Variants in CNTNAP2 observed in about 807,000 individuals in gnomAD.
The protein encoded by CNTNAP2 is contactin-associated protein-like 2.
CNTNAP2 carries 98 observed loss-of-function variants against 155.2 expected under a neutral mutation model. The ratio of observed to expected loss-of-function variants is 0.63; its 90% CI spans 0.54 to 0.75. The LOEUF (loss-of-function observed/expected upper bound fraction) is 0.75. Among genes scored for constraint, CNTNAP2 ranks in the 30% least tolerant of loss-of-function variants. The probability of loss-of-function intolerance (pLI) is 0.00; values close to 1 mark genes in which losing one functional copy is unlikely to be tolerated. For synonymous variants in CNTNAP2, 651 were observed against 631.2 expected (o/e 1.03, Z -0.47); for missense variants, 1,727 against 1,688.1 (o/e 1.02, Z -0.40).
At chr7:146,412,225 C>G (rs1047610751) in intron 1 of CNTNAP2, among the ~76,000 whole-genome samples, 1 of 152,170 alleles carries the variant, frequency 6.6e-6, no homozygotes, top group Non-Finnish European at 1.5e-5. Context: ...TAACCAGGAG[C>G]CAGGGACGTG....
intron 21 of CNTNAP2, among the ~76,000 whole-genome samples, chr7:148,318,280 G>C (rs1445107361): frequency 5.3e-5 from 8 of 152,168 alleles, no homozygotes; most frequent in Admixed American, 5.2e-4. Context: ...TCACCCGGCT[G>C]TCGCCTGCTT....
intron 18 of CNTNAP2, among the ~76,000 whole-genome samples, chr7:148,200,734 G>C (rs1043462795): frequency 2.0e-5 from 3 of 152,034 alleles, no homozygotes; most frequent in Non-Finnish European, 4.4e-5. Context: ...TTTCTTGTAG[G>C]CAAGATATAA....
chr7:147,561,023 C>G (rs903543100), intron 11 of CNTNAP2, among the ~76,000 whole-genome samples: 1 of 151,696 alleles, frequency 6.6e-6, no homozygotes, highest in Non-Finnish European at 1.5e-5. Context: ...CCTAATTATT[C>G]CTGTTAGAGT....
At chr7:148,001,097 C>T (rs951401655) in intron 15 of CNTNAP2, among the ~76,000 whole-genome samples, 1 of 152,172 alleles carries the variant, frequency 6.6e-6, no homozygotes, top group Non-Finnish European at 1.5e-5. Flanking sequence ...TCAAGTGATC[C>T]TTAGCTTAAT....
intron 9 of CNTNAP2, among the ~76,000 whole-genome samples, chr7:147,333,051 C>T (rs1795600734): frequency 6.6e-6 from 1 of 152,108 alleles, no homozygotes; most frequent in Non-Finnish European, 1.5e-5. Flanking sequence ...CACAGTTTCT[C>T]AAATTTATTT....
rs968412075 is a variant in CNTNAP2 at position 148,373,058 on chromosome 7, C to T, written c.3476-10591C>T. Among the ~76,000 whole-genome samples, 7 of 152,286 alleles carry T rather than the reference C, an allele frequency of 4.6e-5. No individual in the cohort carries two copies. In the East Asian group the frequency reaches 1.2e-3, roughly 25 times the overall value. On this transcript the variant is annotated intron_variant, in intron 21 of 23. Coordinates refer to ENST00000361727, the MANE Select transcript of CNTNAP2 (RefSeq NM_014141.6). ...TGGGAGGTCTTCAGGGGCAGTGACA[C>T]ACATGGAGCTGTCATCTCCTGTGAT...
At position 146,324,927 on chromosome 7, in the gene CNTNAP2, G is replaced by A. The variant is rs115873677; in HGVS notation, c.97+207954G>A. ...GATCATTACTTAATAAAACAAAATA[G>A]TAAAAATGACAATATAGTTTTTTTG... On this transcript the variant is annotated intron_variant, in intron 1 of 23. Transcript: ENST00000361727. 5.3e-3 allele frequency among the ~76,000 whole-genome samples: 807 copies of A among 152,166 alleles called. 4 individuals carry two copies. The highest frequency in any genetic ancestry group is 0.017 in the African/African-American group (712 of 41,518).
At chr7:148,317,594 T>C (rs2116529837) in intron 21 of CNTNAP2, among the ~76,000 whole-genome samples, 1 of 152,332 alleles carries the variant, frequency 6.6e-6, no homozygotes, top group East Asian at 1.9e-4. Flanking sequence ...GTCCTGTTAC[T>C]GATCTTAGTA....
chr7:147,522,166 T>A (rs1799239554), intron 11 of CNTNAP2, among the ~76,000 whole-genome samples: 1 of 152,208 alleles, frequency 6.6e-6, no homozygotes, highest in South Asian at 2.1e-4. Flanking sequence ...GTGAGGGCTC[T>A]GCCCTCATGG....
intron 15 of CNTNAP2, among the ~76,000 whole-genome samples, chr7:148,051,351 G>A (rs986466290): frequency 2.6e-5 from 4 of 151,830 alleles, no homozygotes; most frequent in Non-Finnish European, 5.9e-5. Context: ...ATGTCCTGGC[G>A]GGAGTTGGTT....
Position 147,775,191 on chromosome 7 carries a change from T to G in CNTNAP2, c.2099-128374T>G, listed in dbSNP as rs943729356. Among the ~76,000 whole-genome samples the G allele has an allele frequency of 7.9e-5, 11 of 140,054 alleles. No individual in the cohort carries two copies. The East Asian group carries it at 2.3e-3, about 29-fold the overall frequency. 91.9% of individuals were successfully genotyped at this position (140,054 alleles called of 152,430 possible). On this transcript the variant is annotated intron_variant, in intron 13 of 23. Transcript: ENST00000361727. ...GTTTTCACTACAGTTTTGTGTTTTT[T>G]GCCAATAAATTTTTCTTTTCCTATA...
At chr7:147,722,117 C>T (rs1210692249) in intron 13 of CNTNAP2, among the ~76,000 whole-genome samples, 1 of 152,200 alleles carries the variant, frequency 6.6e-6, no homozygotes, top group African/African-American at 2.4e-5. Flanking sequence ...AGAACTGGGG[C>T]TAGCCCCAAA....
At chr7:146,599,888 G>A (rs1798924146) in intron 1 of CNTNAP2, among the ~76,000 whole-genome samples, 1 of 151,982 alleles carries the variant, frequency 6.6e-6, no homozygotes, top group South Asian at 2.1e-4. Context: ...TGTACTCTAT[G>A]CTTTTGATGG....
At chr7:147,091,975 G>A (rs1022133822) in intron 4 of CNTNAP2, among the ~76,000 whole-genome samples, 8 of 151,840 alleles carry the variant, frequency 5.3e-5, no homozygotes, top group Admixed American at 5.3e-4. Context: ...TCCTGACCTC[G>A]TGATCTGCCC....
rs141094353 is a variant in CNTNAP2, at chr7:146,379,399, A to G, written c.97+262426A>G. 3.9e-5 allele frequency among the ~76,000 whole-genome samples: 6 copies of G among 152,318 alleles called. No individual in the cohort carries two copies. In the East Asian group the frequency reaches 1.2e-3, roughly 29 times the overall value. On this transcript the variant is annotated intron_variant, in intron 1 of 23. Coordinates refer to ENST00000361727, the MANE Select transcript of CNTNAP2 (RefSeq NM_014141.6). ...TCACCCTAAAGGTGCATCTGCGGTC[A>G]AATTCCAATTCCAGAGATAAGGTCA... is the stretch of plus-strand genomic sequence containing the variant.
chr7:146,395,072 TTC>T (rs1795600389), intron 1 of CNTNAP2, among the ~76,000 whole-genome samples: 1 of 152,212 alleles, frequency 6.6e-6, no homozygotes, highest in South Asian at 2.1e-4. Context: ...CATTATTTCT[TTC>T]TTTCTTATGG....
chr7:146,994,574 T>G lies in CNTNAP2; in HGVS notation c.403-49333T>G, dbSNP rs924287465. On this transcript the variant is annotated intron_variant, in intron 3 of 23. Transcript: ENST00000361727. ...AATGAGTGACTCACATAAAGCAATT[T>G]GGGTTTGTTTTATTTTATTTTTTGT... Among the ~76,000 whole-genome samples, 6 of 152,206 alleles carry G rather than the reference T, an allele frequency of 3.9e-5. 1 individual carries two copies. Among genetic ancestry groups the G allele is most frequent in the African/African-American group, 1.4e-4 (6 of 41,550 alleles).
intron 7 of CNTNAP2, among the ~76,000 whole-genome samples, chr7:147,129,838 T>G (rs1041371530): frequency 6.6e-6 from 1 of 152,190 alleles, no homozygotes; most frequent in Non-Finnish European, 1.5e-5. Flanking sequence ...ATTTAATAAA[T>G]AATTTTCTTA....
intron 1 of CNTNAP2, among the ~76,000 whole-genome samples, chr7:146,631,293 G>C (rs1207992044): frequency 1.3e-5 from 2 of 152,048 alleles, no homozygotes; most frequent in East Asian, 3.9e-4. Flanking sequence ...TATTTGAAAT[G>C]GTCAATTGAA....
Sources: gnomAD v4.1 joint callset for allele counts (sites outside exome capture counted in the v4.1 genomes callset) on GRCh38, gnomAD v4.1.1 for gene constraint, MANE v1.5 for transcripts, NCBI Gene and HGNC (gene_info 2026-07-23, HGNC 2026-07-21) for gene names.